The following TBC1D5 variants were observed in gnomAD, a reference collection of about 807,000 sequenced individuals.
TBC1D5 encodes TBC1 domain family, member 5.
TBC1D5 carries 75 observed loss-of-function variants against 100.3 expected under a neutral mutation model. That is an observed-to-expected ratio of 0.75 (90% confidence interval 0.62 to 0.91). TBC1D5 has a LOEUF of 0.91. Among genes scored for constraint, TBC1D5 ranks in the 40% least tolerant of loss-of-function variants. The pLI is 0.00. For synonymous variants in TBC1D5, 323 were observed against 325.6 expected (o/e 0.99, Z 0.09); for missense variants, 910 against 942.4 (o/e 0.97, Z 0.45).
At chr3:17,240,646 A>G (rs989825779) in intron 16 of TBC1D5, among the ~76,000 whole-genome samples, 13 of 152,178 alleles carry the variant, frequency 8.5e-5, no homozygotes, top group Non-Finnish European at 1.9e-4. Context: ...AGCAGCCTGC[A>G]TACATTCCCA....
intron 3 of TBC1D5, among the ~76,000 whole-genome samples, chr3:17,506,973 G>A (rs755900977): frequency 1.5e-4 from 23 of 152,084 alleles, no homozygotes; most frequent in Non-Finnish European, 2.4e-4. Context: ...CCGAGATTGC[G>A]CCATTGCACT....
chr3:17,354,067 A>G (rs1400980000), intron 13 of TBC1D5, among the ~76,000 whole-genome samples: 1 of 152,142 alleles, frequency 6.6e-6, no homozygotes, highest in African/African-American at 2.4e-5. Context: ...CACGGTATGT[A>G]GTGGTTAAGA....
intron 13 of TBC1D5, among the ~76,000 whole-genome samples, chr3:17,310,062 T>C (rs1219662039): frequency 6.6e-6 from 1 of 152,100 alleles, no homozygotes; most frequent in Non-Finnish European, 1.5e-5. Context: ...TTAGATTTCA[T>C]CACAGATAGT....
chr3:17,537,898 C>G (rs867672892), intron 2 of TBC1D5, among the ~76,000 whole-genome samples: 1 of 152,196 alleles, frequency 6.6e-6, no homozygotes, highest in Non-Finnish European at 1.5e-5. Flanking sequence ...AGGCTAAGGA[C>G]GTGCCTGTGA....
At chr3:17,619,404 G>A (rs1160963332) in intron 2 of TBC1D5, among the ~76,000 whole-genome samples, 1 of 152,128 alleles carries the variant, frequency 6.6e-6, no homozygotes. Context: ...AACAGTGTAG[G>A]ACTGCTACAT....
At chr3:17,389,629 G>A (rs995002332) in intron 8 of TBC1D5, among the ~76,000 whole-genome samples, 1 of 152,110 alleles carries the variant, frequency 6.6e-6, no homozygotes, top group Non-Finnish European at 1.5e-5. Context: ...ACCTTCAGAT[G>A]ATTCCAGACC....
At chr3:17,161,527 C>G (rs886981816) in intron 21 of TBC1D5, among the ~76,000 whole-genome samples, 1 of 152,248 alleles carries the variant, frequency 6.6e-6, no homozygotes, top group Non-Finnish European at 1.5e-5. Flanking sequence ...AAGCTTCAGA[C>G]AGAGGCAGTG....
chr3:17,302,217 C>A (rs1403039192), intron 14 of TBC1D5, among the ~76,000 whole-genome samples: 1 of 152,146 alleles, frequency 6.6e-6, no homozygotes, highest in Admixed American at 6.5e-5. Flanking sequence ...AAATCCTTGT[C>A]ATTCCTTGCC....
At chr3:17,712,499 C>T (rs1560533286) in intron 1 of TBC1D5, among the ~76,000 whole-genome samples, 1 of 152,170 alleles carries the variant, frequency 6.6e-6, no homozygotes, top group Non-Finnish European at 1.5e-5. Context: ...ACATGTATTT[C>T]TAGAAGAAAA....
chr3:17,450,246 TA>T (rs991050040), intron 3 of TBC1D5, among the ~76,000 whole-genome samples: 7 of 152,038 alleles, frequency 4.6e-5, no homozygotes, highest in African/African-American at 1.7e-4. Flanking sequence ...ACATCAAAGA[TA>T]AAAGGTAGAT....
intron 2 of TBC1D5, among the ~76,000 whole-genome samples, chr3:17,604,334 A>C (rs2061196008): frequency 6.6e-6 from 1 of 152,188 alleles, no homozygotes; most frequent in Non-Finnish European, 1.5e-5. Flanking sequence ...GACATCCTTC[A>C]CATTGAAAAT....
intron 8 of TBC1D5, 38 bp from the exon 9 acceptor site, chr3:17,384,053 C>G (rs1167697833): frequency 6.6e-7 from 1 of 1,524,188 alleles, no homozygotes; most frequent in African/African-American, 1.4e-5. Context: ...CTGACTAACA[C>G]AGTTTCAAGA....
intron 8 of TBC1D5, among the ~76,000 whole-genome samples, chr3:17,391,593 G>C (rs1217292483): frequency 3.3e-5 from 5 of 152,068 alleles, no homozygotes; most frequent in African/African-American, 1.2e-4. Context: ...ATATGTGGTA[G>C]AAGTGCCTAT....
chr3:17,638,882 T>C (rs947707021), intron 1 of TBC1D5, among the ~76,000 whole-genome samples: 9 of 152,188 alleles, frequency 5.9e-5, no homozygotes, highest in Middle Eastern at 3.4e-3. Flanking sequence ...CTGACAAGGA[T>C]GTAAAAATGG....
chr3:17,571,488 G>A (rs1279944869), intron 2 of TBC1D5, among the ~76,000 whole-genome samples: 1 of 151,932 alleles, frequency 6.6e-6, no homozygotes, highest in Non-Finnish European at 1.5e-5. Context: ...ACTTTCAAGT[G>A]AATTGAAAAA....
chr3:17,373,595 G>GT (rs1024034066), intron 12 of TBC1D5, among the ~76,000 whole-genome samples: 4 of 152,106 alleles, frequency 2.6e-5, no homozygotes, highest in Non-Finnish European at 5.9e-5. Flanking sequence ...ATAGCCAAAA[G>GT]TGAAAATAAC....
At position 17,342,169 on chromosome 3, in the gene TBC1D5, C is replaced by T. The variant is rs368284392; in HGVS notation, c.995+29906G>A. On this transcript the variant is annotated intron_variant, in intron 13 of 21. Coordinates refer to ENST00000253692, the Ensembl canonical transcript of TBC1D5. The stretch of plus-strand genomic sequence containing the variant: ...CTAAAATCCTGACTATCTGCTGAGA[C>T]TTATCTTTGTCACTTCCTCATATGC... Among the ~76,000 whole-genome samples, 117 of 152,342 alleles carry T rather than the reference C, an allele frequency of 7.7e-4. 4 individuals are homozygous for T. The South Asian group carries it at 0.021, about 28-fold the overall frequency.
intron 1 of TBC1D5, among the ~76,000 whole-genome samples, chr3:17,703,518 A>C (rs983601105): frequency 2.0e-5 from 3 of 152,122 alleles, no homozygotes; most frequent in Admixed American, 6.5e-5. Context: ...ACAAAGCCAA[A>C]ATTCTTTATC....
intron 2 of TBC1D5, among the ~76,000 whole-genome samples, chr3:17,538,549 TAAC>T (rs1394997221): frequency 6.6e-6 from 1 of 152,194 alleles, no homozygotes; most frequent in African/African-American, 2.4e-5. Context: ...TAAAACTTTT[TAAC>T]AAATTCTCAC....
Sources: allele counts gnomAD v4.1 joint callset (sites outside exome capture counted in the v4.1 genomes callset), GRCh38; gene constraint gnomAD v4.1.1; transcripts MANE v1.5; gene names NCBI Gene and HGNC (gene_info 2026-07-23, HGNC 2026-07-21).